The following ARID1A variants were observed in gnomAD, a reference collection of about 807,000 sequenced individuals.
The protein encoded by ARID1A is AT-rich interactive domain-containing protein 1A.
In ARID1A, 20 loss-of-function variants were observed where a neutral mutation model predicts 212.6. That is an observed-to-expected ratio of 0.09 (90% CI 0.07 to 0.14). ARID1A has a LOEUF of 0.14. Ranked by LOEUF, ARID1A falls within the 10% of genes least tolerant of loss-of-function variation. ARID1A has a pLI of 1.00. For missense variants in ARID1A, 2,587 were observed against 3,059.0 expected (o/e 0.85, Z 3.64); for synonymous variants, 1,376 against 1,222.1 (o/e 1.13, Z -2.63).
At position 26,766,269 on chromosome 1, in the gene ARID1A, A is replaced by T. The variant is rs769602171; in HGVS notation, c.2781A>T (p.Gly927=). 6.2e-7 allele frequency: 1 copy of T among 1,613,938 alleles called. No individual in the cohort carries two copies. Among genetic ancestry groups the T allele is most frequent in the East Asian group, 2.2e-5 (1 of 44,872 alleles). Residue 927 remains glycine (G), a synonymous_variant, in exon 9 of 20, where the codon GGA becomes GGT. Transcript: ENST00000324856. ...ATCAAGGGGGCATGATGGGAACTGGACCTCCTTATGGACAAGGGATTAATA... is the reference window on the plus strand; with the variant it reads ...ATCAAGGGGGCATGATGGGAACTGGTCCTCCTTATGGACAAGGGATTAATA... ...NMNQGGMMGT[G]PPYGQGINSM... is the part of the protein sequence containing the mutation.
At chr1:26,697,645 C>T (rs1243552297) in intron 1 of ARID1A, 105 bp downstream of exon 1, 11 of 1,123,194 alleles carry the variant, frequency 9.8e-6, no homozygotes, top group Non-Finnish European at 1.1e-5. Context: ...GTCCCGGGCC[C>T]CCACTGCTGG....
Position 26,697,061 on chromosome 1 carries a change from A to G in ARID1A, c.658A>G (p.Ser220Gly), listed in dbSNP as rs1420990560. ...GTACAACTCCTACTACCCCAACCGCAGCGCCTACCCCCCGCCCGCCCCGGC... is the reference window on the plus strand; with the variant it reads ...GTACAACTCCTACTACCCCAACCGCGGCGCCTACCCCCCGCCCGCCCCGGC... ...HQYNSYYPNRSAYPPPAPAYA... is the reference protein window; with the variant it reads ...HQYNSYYPNRGAYPPPAPAYA... The change falls in exon 1 of 20, where the codon AGC (serine) becomes GGC (glycine). Residue 220 changes from serine to glycine, a missense_variant. This residue lies in a region of ARID1A where 735 missense variants were observed against 590.6 expected (regional missense o/e 1.24). Coordinates refer to ENST00000324856, the MANE Select transcript of ARID1A (RefSeq NM_006015.6). The G allele has an allele frequency of 6.6e-7, 1 of 1,521,742 alleles. No individual in the cohort carries two copies. The highest frequency in any genetic ancestry group is 2.2e-5 in the Admixed American group (1 of 45,690). The allele number at this position is 1,521,742 out of a possible 1,614,324, so 94.3% of individuals were successfully genotyped here. A position where few individuals can be genotyped will look rare whatever the true frequency, so the allele number is the denominator to read the frequency against.
intron 4 of ARID1A, among the ~76,000 whole-genome samples, chr1:26,748,608 CTTT>C (rs36087588): frequency 3.4e-5 from 4 of 117,702 alleles, no homozygotes; most frequent in African/African-American, 3.2e-5. Context: ...GACCCAGATT[CTTT>C]TTTTTTTTTT....
intron 4 of ARID1A, among the ~76,000 whole-genome samples, chr1:26,757,498 G>A (rs1018364292): frequency 6.6e-6 from 1 of 150,942 alleles, no homozygotes; most frequent in African/African-American, 2.4e-5. Context: ...AAATAAAAAC[G>A]CACAAAGATA....
At position 26,780,281 on chromosome 1, in the gene ARID1A, A is replaced by G. The variant is rs2081178998; in HGVS notation, c.6383A>G (p.Gln2128Arg). ...GAAACCCTCAGCAAACTCAGCATCC[A>G]GGACAACAATGTGGACCTGATTCTG... ...VLETLSKLSI[Q>R]DNNVDLILAT... is the part of the protein sequence containing the mutation. The change falls in exon 20 of 20, where the codon CAG becomes CGG. Residue 2128 changes from glutamine (Q) to arginine (R), a missense_variant. Physicochemically the swap from Gln to Arg is conservative, Grantham distance 43. Around this residue, in one of 11 missense-constraint regions of ARID1A, gnomAD observed 168 missense variants for 321.0 expected, o/e 0.52. Coordinates refer to ENST00000324856, the MANE Select transcript of ARID1A (RefSeq NM_006015.6). The surrounding 1 kb of genome is among the most constrained non-coding windows in gnomAD (Gnocchi z 7.2). 3 of 1,614,054 alleles carry G rather than the reference A, an allele frequency of 1.9e-6. No individual in the cohort carries two copies. The highest frequency in any genetic ancestry group is 1.7e-6 in the Non-Finnish European group (2 of 1,180,038).
chr1:26,732,136 T>C (rs2080684589), intron 3 of ARID1A, among the ~76,000 whole-genome samples: 2 of 152,182 alleles, frequency 1.3e-5, no homozygotes, highest in Admixed American at 6.5e-5. Flanking sequence ...TTTGGGGAAA[T>C]AGCAAAAATT....
At chr1:26,770,285 T>A (rs765403994) in intron 11 of ARID1A, 7 of 152,102 alleles carry the variant, frequency 4.6e-5, no homozygotes, top group Non-Finnish European at 1.0e-4. Context: ...TGTGGTTATT[T>A]GTCAATGAGA....
Position 26,774,573 on chromosome 1 carries a change from G to A in ARID1A, c.4346G>A (p.Gly1449Asp), listed in dbSNP as rs2124118725. 1 of 1,614,192 alleles carries A rather than the reference G, an allele frequency of 6.2e-7. No individual in the cohort carries two copies. Among genetic ancestry groups the A allele is most frequent in the Non-Finnish European group, 8.5e-7 (1 of 1,180,016 alleles). Residue 1449 changes from glycine (G) to aspartate (D), a missense_variant, in exon 18 of 20, where the codon GGC (glycine) becomes GAC (aspartate). This residue lies in a region of ARID1A where 890 missense variants were observed against 1,098.2 expected (regional missense o/e 0.81). Transcript: ENST00000324856. The surrounding 1 kb of genome is among the most constrained non-coding windows in gnomAD (Gnocchi z 5.6). ...GCTGCTACTGAGCGCCGACCAGCAG[G>A]CGGCCCCCAGAACCAATTTCCATTC... is the stretch of plus-strand genomic sequence containing the variant. ...ATAATERRPA[G>D]GPQNQFPFQF...
intron 7 of ARID1A, 94 bp downstream of exon 7, chr1:26,762,413 A>T (rs762402570): frequency 7.1e-7 from 1 of 1,408,108 alleles, no homozygotes; most frequent in Non-Finnish European, 9.5e-7. Context: ...ACCTTGTGAG[A>T]GAAGGGCTGT....
Position 26,766,354 on chromosome 1 carries a change from A to C in ARID1A, c.2866A>C (p.Asn956His). Residue 956 changes from asparagine to histidine, a missense_variant, in exon 9 of 20, where the codon AAC (asparagine) becomes CAC (histidine). Coordinates refer to ENST00000324856, the MANE Select transcript of ARID1A (RefSeq NM_006015.6). The part of the protein sequence containing the change: ...PPYSMGGTMA[N>H]NSAGMAASPE... ...ATATTCCATGGGTGGAACCATGGCCAACAATTCTGCAGGTAAGTGCTAGTC... is the reference window on the plus strand; with the variant it reads ...ATATTCCATGGGTGGAACCATGGCCCACAATTCTGCAGGTAAGTGCTAGTC... 1 of 1,614,176 alleles carries C rather than the reference A, an allele frequency of 6.2e-7. No homozygotes were observed. The highest frequency in any genetic ancestry group is 1.1e-5 in the South Asian group (1 of 91,080).
Position 26,696,979 on chromosome 1 carries a change from G to A in ARID1A, c.576G>A (p.Leu192=), listed in dbSNP as rs1384205108. 3.3e-6 allele frequency: 5 copies of A among 1,499,478 alleles called. No individual in the cohort carries two copies. Among genetic ancestry groups the A allele is most frequent in the Non-Finnish European group, 4.4e-6 (5 of 1,128,210 alleles). 92.9% of individuals were successfully genotyped at this position (1,499,478 alleles called of 1,614,324 possible). A position where few individuals can be genotyped will look rare whatever the true frequency, so the allele number is the denominator to read the frequency against. ...TGCAGAGCGGCGGCGGCGGGGGCCTGGAGCCCTACGCGGGGCCCCAGCAGA... is the reference window on the plus strand; with the variant it reads ...TGCAGAGCGGCGGCGGCGGGGGCCTAGAGCCCTACGCGGGGCCCCAGCAGA... The part of the protein sequence containing the change: ...AALQSGGGGG[L]EPYAGPQQNS... Residue 192 remains leucine, a synonymous_variant, in exon 1 of 20, where the codon CTG becomes CTA. Transcript: ENST00000324856.
At chr1:26,713,470 TG>T (rs1233351472) in intron 1 of ARID1A, among the ~76,000 whole-genome samples, 1 of 152,018 alleles carries the variant, frequency 6.6e-6, no homozygotes. Context: ...GCAATTCTCT[TG>T]CCTCAGCCTC....
rs999287309 is a variant in ARID1A at position 26,766,306 on chromosome 1, A to G, written c.2818A>G (p.Met940Val). The G allele has an allele frequency of 3.1e-6, 5 of 1,614,104 alleles. No homozygotes were observed. Among genetic ancestry groups the G allele is most frequent in the Non-Finnish European group, 4.2e-6 (5 of 1,180,046 alleles). Reference sequence around the variant, plus strand: ...ACAAGGGATTAATAGTATGGCTGGCATGATCAACCCTCAGGGACCCCCATA... The same window carrying G: ...ACAAGGGATTAATAGTATGGCTGGCGTGATCAACCCTCAGGGACCCCCATA... Reference protein sequence around the residue: ...YGQGINSMAGMINPQGPPYSM... With the variant: ...YGQGINSMAGVINPQGPPYSM... Residue 940 changes from methionine (M) to valine (V), a missense_variant, in exon 9 of 20, where the codon ATG becomes GTG. Around this residue, in one of 11 missense-constraint regions of ARID1A, gnomAD observed 674 missense variants for 813.4 expected, o/e 0.83. Transcript: ENST00000324856.
chr1:26,708,755 C>T (rs1005228551), intron 1 of ARID1A, among the ~76,000 whole-genome samples: 3 of 151,596 alleles, frequency 2.0e-5, no homozygotes, highest in African/African-American at 2.4e-5. Flanking sequence ...AGTGCAGTGG[C>T]GCGATCTTGG....
At chr1:26,739,637 T>C (rs1215157178) in intron 4 of ARID1A, among the ~76,000 whole-genome samples, 1 of 152,154 alleles carries the variant, frequency 6.6e-6, no homozygotes, top group Non-Finnish European at 1.5e-5. Context: ...AAAAGAGACT[T>C]GAAAGAAACT....
chr1:26,732,901 T>A (rs2080694475), intron 4 of ARID1A, 109 bp downstream of exon 4: 1 of 951,760 alleles, frequency 1.1e-6, no homozygotes, highest in Non-Finnish European at 1.6e-6. Context: ...AATGAATAAG[T>A]TATTTCTTGA....
chr1:26,771,510 G>T lies in ARID1A; in HGVS notation c.3406+184G>T, dbSNP rs912537240. The stretch of plus-strand genomic sequence containing the variant: ...TGGGCAGTGGAAACTCCCTTGGGAG[G>T]TACTCTACGGCAGCTCTTAAGTTTT... On this transcript the variant is annotated intron_variant, in intron 12 of 19. Transcript: ENST00000324856. The surrounding 1 kb of genome is among the most constrained non-coding windows in gnomAD (Gnocchi z 5.4). 13 of 630,888 alleles carry T rather than the reference G, an allele frequency of 2.1e-5. No homozygotes were observed. The highest frequency in any genetic ancestry group is 3.6e-5 in the Non-Finnish European group (13 of 365,964). 39.1% of individuals were successfully genotyped at this position (630,888 alleles called of 1,614,324 possible).
Position 26,696,098 on chromosome 1 carries a change from C to A in ARID1A, c.-306C>A. ...GAGCCTCCACCGCCCCCCTCATTCC[C>A]AGGCAAGGGCTTGGGGGGAATGAGC... On this transcript the variant is annotated 5_prime_UTR_variant, in exon 1 of 20. Transcript: ENST00000324856. 4.3e-6 allele frequency: 2 copies of A among 461,948 alleles called. No homozygotes were observed. Among genetic ancestry groups the A allele is most frequent in the East Asian group, 6.5e-5 (1 of 15,450 alleles). 28.6% of individuals were successfully genotyped at this position (461,948 alleles called of 1,614,324 possible). A position where few individuals can be genotyped will look rare whatever the true frequency, so the allele number is the denominator to read the frequency against.
intron 16 of ARID1A, 38 bp from the exon 17 acceptor site, chr1:26,773,764 C>T (rs763012732): frequency 1.9e-6 from 3 of 1,614,102 alleles, no homozygotes; most frequent in Non-Finnish European, 2.5e-6. Flanking sequence ...GGCTTCGCCA[C>T]TGCCCACCCT....
Sources: allele counts gnomAD v4.1 joint callset (sites outside exome capture counted in the v4.1 genomes callset), GRCh38; gene constraint gnomAD v4.1.1; regional missense constraint gnomAD v4.1.1; non-coding constraint Gnocchi (gnomAD v3.1); transcripts MANE v1.5; gene names NCBI Gene and HGNC (gene_info 2026-07-23, HGNC 2026-07-21).